SRRM4: variants seen among roughly 807,000 people sequenced by gnomAD.
SRRM4 encodes the protein serine/arginine repetitive matrix protein 4.
In SRRM4, 33 loss-of-function variants were observed where a neutral mutation model predicts 68.9. That is an observed-to-expected ratio of 0.48 (90% CI 0.36 to 0.64). The LOEUF is 0.64. Ranked by LOEUF, SRRM4 falls within the 30% of genes least tolerant of loss-of-function variation. The pLI, the probability that SRRM4 is intolerant of heterozygous loss-of-function variation, is 0.00. For synonymous variants in SRRM4, 318 were observed against 318.8 expected, an observed-to-expected ratio of 1.00 and a Z score of 0.03; for missense variants, 817 against 827.1, an observed-to-expected ratio of 0.99 and a Z score of 0.15.
At chr12:119,022,279 A>G (rs368586504) in intron 1 of SRRM4, among the ~76,000 whole-genome samples, 5 of 152,328 alleles carry the variant, frequency 3.3e-5, no homozygotes, top group South Asian at 4.1e-4. Context: ...ATGATTTCAC[A>G]TTTTTTGGTT....
intron 9 of SRRM4, 91 bp from the exon 10 acceptor site, chr12:119,150,926 C>A: frequency 1.6e-6 from 2 of 1,255,022 alleles, no homozygotes; most frequent in Non-Finnish European, 2.3e-6. Flanking sequence ...TATGAGAGCA[C>A]CACAGCCTAG....
At chr12:118,991,269 C>T (rs1441935144) in intron 1 of SRRM4, among the ~76,000 whole-genome samples, 1 of 152,192 alleles carries the variant, frequency 6.6e-6, no homozygotes, top group Non-Finnish European at 1.5e-5. Flanking sequence ...TTCCAGGCTC[C>T]TTCCTGCCAT....
At chr12:119,125,747 C>T (rs1331152019) in intron 7 of SRRM4, among the ~76,000 whole-genome samples, 1 of 152,010 alleles carries the variant, frequency 6.6e-6, no homozygotes, top group Non-Finnish European at 1.5e-5. Flanking sequence ...TGGTGAAACC[C>T]TGTCTCTACT....
At chr12:119,090,233 G>C (rs1032175098) in intron 1 of SRRM4, among the ~76,000 whole-genome samples, 1 of 152,076 alleles carries the variant, frequency 6.6e-6, no homozygotes. Flanking sequence ...TTTGCATTTA[G>C]TATTAATAGT....
chr12:118,998,268 C>CAAAAATAAAAAAA (rs1953361531), intron 1 of SRRM4, among the ~76,000 whole-genome samples: 1 of 36,574 alleles, frequency 2.7e-5, no homozygotes, highest in African/African-American at 1.2e-4. Flanking sequence ...AGCAATATGG[C>CAAAAATAAAAAAA]AAAAAAAAAA....
intron 1 of SRRM4, among the ~76,000 whole-genome samples, chr12:119,031,493 G>T (rs1317155811): frequency 6.6e-6 from 1 of 152,162 alleles, no homozygotes; most frequent in Non-Finnish European, 1.5e-5. Flanking sequence ...CCAGAAAGAA[G>T]GGATTATTAG....
intron 7 of SRRM4, 142 bp from the exon 8 acceptor site, chr12:119,130,536 T>C (rs1163514730): frequency 1.4e-6 from 1 of 724,878 alleles, no homozygotes; most frequent in African/African-American, 1.8e-5. Flanking sequence ...CATGCAGACA[T>C]ACCTAGGAAC....
intron 6 of SRRM4, among the ~76,000 whole-genome samples, chr12:119,125,063 G>A (rs2136054687): frequency 6.6e-6 from 1 of 152,258 alleles, no homozygotes; most frequent in East Asian, 1.9e-4. Flanking sequence ...TGCCTTGAGT[G>A]ATGCAGAGGA....
chr12:119,150,193 C>T (rs534057934), intron 9 of SRRM4, among the ~76,000 whole-genome samples: 13 of 152,224 alleles, frequency 8.5e-5, no homozygotes, highest in South Asian at 2.1e-4. Context: ...TGTCCTTGGC[C>T]GGGCACAGGG....
chr12:119,077,067 G>A (rs1042462127), intron 1 of SRRM4, among the ~76,000 whole-genome samples: 1 of 136,938 alleles, frequency 7.3e-6, no homozygotes, highest in Non-Finnish European at 1.6e-5. Context: ...TCCTGAGACC[G>A]AGGGAGAGTT....
At position 119,145,416 on chromosome 12, in the gene SRRM4, C is replaced by G. The variant is rs1011694620; in HGVS notation, c.807C>G (p.Thr269=). The G allele has an allele frequency of 4.4e-6, 7 of 1,606,124 alleles. No individual in the cohort carries two copies. The highest frequency in any genetic ancestry group is 6.0e-6 in the Non-Finnish European group (7 of 1,176,370). ...TGSGSAADLF[T]KTASPLTTSR... ...CGGGGTCTGCTGCTGACCTCTTTAC[C>G]AAAACAGCCAGCCCGCTCACCACCT... The change falls in exon 9 of 13, where the codon ACC becomes ACG. Residue 269 remains threonine (T), a synonymous_variant. Transcript: ENST00000267260.
chr12:119,072,231 G>A (rs1525963), intron 1 of SRRM4, among the ~76,000 whole-genome samples: 43,557 of 151,990 alleles, frequency 0.29, 6,660 homozygotes, highest in East Asian at 0.43. Context: ...TTAATAAATG[G>A]GATTCCTTTC....
At position 119,075,881 on chromosome 12, in the gene SRRM4, GTAGTGA is replaced by G. The variant is rs1185569370; in HGVS notation, c.132-26353_132-26348del. Among the ~76,000 whole-genome samples the G allele has an allele frequency of 3.9e-5, 5 of 127,584 alleles. No homozygotes were observed. In the East Asian group the frequency reaches 7.6e-4, roughly 19 times the overall value. 83.7% of individuals were successfully genotyped at this position (127,584 alleles called of 152,430 possible). On this transcript the variant is annotated intron_variant, in intron 1 of 12. Coordinates refer to ENST00000267260, the MANE Select transcript of SRRM4 (RefSeq NM_194286.4). ...GATGGTGGTGGTGATGATGATGGTA[GTAGTGA>G]TGATGATGGTAGCGATGATGGTGAT...
intron 7 of SRRM4, 134 bp downstream of exon 7, chr12:119,125,613 A>G (rs1355082769): frequency 2.8e-6 from 2 of 713,956 alleles, no homozygotes; most frequent in East Asian, 2.9e-5. Context: ...AGCTGGCACC[A>G]CTTCCCTGTA....
chr12:119,159,173 C>T lies in SRRM4; in HGVS notation c.*2375C>T, dbSNP rs532410810. On this transcript the variant is annotated 3_prime_UTR_variant, in exon 13 of 13. Transcript: ENST00000267260. Reference sequence around the variant, plus strand: ...CCTGGGGTTGGCCCAGAAGGAGGCACATCAGTCCCAAAATTCATCACTTAA... The same window carrying T: ...CCTGGGGTTGGCCCAGAAGGAGGCATATCAGTCCCAAAATTCATCACTTAA... The T allele has an allele frequency of 2.0e-5, 3 of 152,300 alleles. No homozygotes were observed. The highest frequency in any genetic ancestry group is 1.3e-4 in the Admixed American group (2 of 15,296). 9.4% of individuals were successfully genotyped at this position (152,300 alleles called of 1,614,324 possible). A position where few individuals can be genotyped will look rare whatever the true frequency, so the allele number is the denominator to read the frequency against.
chr12:119,067,549 A>C (rs1424971491), intron 1 of SRRM4, among the ~76,000 whole-genome samples: 1 of 152,090 alleles, frequency 6.6e-6, no homozygotes, highest in African/African-American at 2.4e-5. Context: ...TTTACTAAAA[A>C]TACAAAAAAT....
chr12:119,138,238 T>C (rs1410098103), intron 8 of SRRM4, among the ~76,000 whole-genome samples: 1 of 152,176 alleles, frequency 6.6e-6, no homozygotes, highest in Non-Finnish European at 1.5e-5. Context: ...TCTACCAACG[T>C]TGGCAGTTAA....
At chr12:119,110,082 G>A (rs1419111841) in intron 2 of SRRM4, among the ~76,000 whole-genome samples, 2 of 152,198 alleles carry the variant, frequency 1.3e-5, no homozygotes, top group African/African-American at 4.8e-5. Flanking sequence ...GGAGTTTGCT[G>A]GAGGTCCACT....
At position 119,154,327 on chromosome 12, in the gene SRRM4, T is replaced by C. The variant is rs1954459227; in HGVS notation, c.1476T>C (p.Pro492=). The stretch of plus-strand genomic sequence containing the variant: ...GTCGGAGACGTCGGTCCTACTCGCC[T>C]ATGAGAAAGCGCCGGAGAGACTCCC... The part of the protein sequence containing the change: ...RARRRRRSYS[P]MRKRRRDSPS... Residue 492 remains proline (P), a synonymous_variant, in exon 12 of 13, where the codon CCT becomes CCC. Transcript: ENST00000267260. This position sits in a 1 kb window ranked among gnomAD's most constrained non-coding sequence, Gnocchi z 4.7. 2 of 1,613,070 alleles carry C rather than the reference T, an allele frequency of 1.2e-6. No individual in the cohort carries two copies. The highest frequency in any genetic ancestry group is 8.5e-7 in the Non-Finnish European group (1 of 1,179,742).
Sources: allele counts gnomAD v4.1 joint callset (sites outside exome capture counted in the v4.1 genomes callset), GRCh38; gene constraint gnomAD v4.1.1; non-coding constraint Gnocchi (gnomAD v3.1); transcripts MANE v1.5; gene names NCBI Gene and HGNC (gene_info 2026-07-23, HGNC 2026-07-21).